DCAF10: variants seen among roughly 807,000 people sequenced by gnomAD.
DCAF10 encodes DDB1- and CUL4-associated factor 10.
In DCAF10, 19 loss-of-function variants were observed where a neutral mutation model predicts 51.9. The observed-to-expected ratio is 0.37, with a 90% confidence interval of 0.26 to 0.54. The LOEUF is 0.54. Ranked by LOEUF, DCAF10 falls within the 20% of genes least tolerant of loss-of-function variation. DCAF10 has a pLI of 0.87. For missense variants in DCAF10, 510 were observed against 730.6 expected (o/e 0.70, Z 3.48); for synonymous variants, 291 against 297.1 (o/e 0.98, Z 0.21).
At chr9:37,841,094 T>C (rs1433847936) in intron 2 of DCAF10, among the ~76,000 whole-genome samples, 2 of 152,190 alleles carry the variant, frequency 1.3e-5, no homozygotes, top group African/African-American at 4.8e-5. Flanking sequence ...TCAGAATGTA[T>C]TCCATCATTA....
chr9:37,822,066 G>A (rs1237584854), intron 2 of DCAF10, among the ~76,000 whole-genome samples: 2 of 152,056 alleles, frequency 1.3e-5, no homozygotes, highest in East Asian at 1.9e-4. Context: ...ACCATAATGC[G>A]ATACCGCCTT....
rs543703366 is a variant in DCAF10 at position 37,865,350 on chromosome 9, A to G, written c.*3842A>G. On this transcript the variant is annotated 3_prime_UTR_variant, in exon 7 of 7. Coordinates refer to ENST00000377724, the MANE Select transcript of DCAF10 (RefSeq NM_024345.5). ...CCTTTGTCCTCCTTGAGATATGGTGATGATCAAAAAGTTAGCAAGGAATAT... is the reference window on the plus strand; with the variant it reads ...CCTTTGTCCTCCTTGAGATATGGTGGTGATCAAAAAGTTAGCAAGGAATAT... 2 of 152,328 alleles carry G rather than the reference A, an allele frequency of 1.3e-5. No individual in the cohort carries two copies. Among genetic ancestry groups the G allele is most frequent in the South Asian group, 4.1e-4 (2 of 4,826 alleles). The allele number at this position is 152,328 out of a possible 1,614,324, so 9.4% of individuals were successfully genotyped here.
chr9:37,857,487 C>T, intron 5 of DCAF10, 136 bp downstream of exon 5: 1 of 564,280 alleles, frequency 1.8e-6, no homozygotes, highest in Non-Finnish European at 2.9e-6. Context: ...ATTTATCCCT[C>T]AGTCATCATC....
chr9:37,858,030 T>C (rs1166587964), intron 5 of DCAF10, among the ~76,000 whole-genome samples: 2 of 150,456 alleles, frequency 1.3e-5, no homozygotes, highest in African/African-American at 5.0e-5. Context: ...GAGCCAGAGA[T>C]GGCTTGCTTT....
At chr9:37,805,196 G>C (rs35636110) in intron 1 of DCAF10, among the ~76,000 whole-genome samples, 1 of 152,098 alleles carries the variant, frequency 6.6e-6, no homozygotes, top group Non-Finnish European at 1.5e-5. Context: ...AAATTATGAA[G>C]TGAGGCCGGG....
rs1289849472 is a variant in DCAF10 at position 37,801,129 on chromosome 9, C to T, written c.263C>T (p.Pro88Leu). ...ESSTASAPGE[P>L]SPPSPPCRRP... is the part of the protein sequence containing the mutation. ...TCAACTGCCTCCGCCCCGGGAGAGC[C>T]GTCACCTCCCTCCCCTCCGTGCCGG... Residue 88 changes from proline (P) to leucine (L), a missense_variant, in exon 1 of 7, where the codon CCG becomes CTG. Physicochemically the swap from Pro to Leu is moderately conservative, Grantham distance 98. Transcript: ENST00000377724. The surrounding 1 kb of genome is among the most constrained non-coding windows in gnomAD (Gnocchi z 5.5). The T allele has an allele frequency of 1.3e-6, 2 of 1,537,074 alleles. No homozygotes were observed. The highest frequency in any genetic ancestry group is 1.7e-6 in the Non-Finnish European group (2 of 1,144,688).
intron 3 of DCAF10, among the ~76,000 whole-genome samples, chr9:37,849,444 T>G (rs1250457305): frequency 6.6e-6 from 1 of 152,172 alleles, no homozygotes; most frequent in African/African-American, 2.4e-5. Flanking sequence ...TTATACAAAC[T>G]TTCTTTATAG....
chr9:37,815,773 T>C (rs1829507706), intron 1 of DCAF10, among the ~76,000 whole-genome samples: 1 of 152,224 alleles, frequency 6.6e-6, no homozygotes, highest in African/African-American at 2.4e-5. Flanking sequence ...ATCAGTTACA[T>C]TTCTGTATAC....
At chr9:37,844,439 T>C (rs1830419904) in intron 3 of DCAF10, among the ~76,000 whole-genome samples, 1 of 152,108 alleles carries the variant, frequency 6.6e-6, no homozygotes, top group South Asian at 2.1e-4. Context: ...TCACCTGAGG[T>C]CAGGAGTTTG....
At chr9:37,831,039 A>G (rs1393503106) in intron 2 of DCAF10, among the ~76,000 whole-genome samples, 1 of 152,200 alleles carries the variant, frequency 6.6e-6, no homozygotes, top group Non-Finnish European at 1.5e-5. Flanking sequence ...CCTGGCTAAC[A>G]TGGTGAAACC....
At chr9:37,800,699 G>A (rs1228608805), upstream of DCAF10, 4 of 1,535,818 alleles carry the variant, frequency 2.6e-6, no homozygotes, top group South Asian at 1.2e-5. Context: ...CCCCAAACCC[G>A]GCGGTGTCTC....
At position 37,801,483 on chromosome 9, in the gene DCAF10, T is replaced by TCC. The variant is rs1828942387; in HGVS notation, c.539+81_539+82dup. Reference sequence around the variant, plus strand: ...CAGCGGACGGCCGTCCTGGGCTCGCTCCCCGCGCCCGGGCCGAGGTTAGCG... The same window carrying TCC: ...CAGCGGACGGCCGTCCTGGGCTCGCTCCCCCCGCGCCCGGGCCGAGGTTAGCG... On this transcript the variant is annotated intron_variant, in intron 1 of 6. Coordinates refer to ENST00000377724, the MANE Select transcript of DCAF10 (RefSeq NM_024345.5). The surrounding 1 kb of genome is among the most constrained non-coding windows in gnomAD (Gnocchi z 5.5). 1.1e-5 allele frequency: 15 copies of TCC among 1,332,162 alleles called. 1 individual carries two copies. The South Asian group carries it at 2.3e-4, about 20-fold the overall frequency. The allele number at this position is 1,332,162 out of a possible 1,614,324, so 82.5% of individuals were successfully genotyped here.
At chr9:37,846,614 C>T (rs974457992) in intron 3 of DCAF10, among the ~76,000 whole-genome samples, 6 of 151,864 alleles carry the variant, frequency 4.0e-5, no homozygotes. Context: ...CCACCACCAC[C>T]CCTGGCTAAT....
intron 6 of DCAF10, 105 bp downstream of exon 6, chr9:37,860,298 G>A (rs1830976896): frequency 7.0e-7 from 1 of 1,432,788 alleles, no homozygotes; most frequent in Non-Finnish European, 9.5e-7. Flanking sequence ...CTGCCTTCAA[G>A]GGCATACTGC....
In DCAF10 at chr9:37,816,659, G is replaced by GGGGGGGGTGTGTGTGTGTGTGTGT. The variant is rs372664140; in HGVS notation, c.540-2628_540-2627insGGGGGGTGTGTGTGTGTGTGTGTG. Among the ~76,000 whole-genome samples, 162 of 144,962 alleles carry GGGGGGGGTGTGTGTGTGTGTGTGT rather than the reference G, an allele frequency of 1.1e-3. 2 individuals are homozygous for GGGGGGGGTGTGTGTGTGTGTGTGT. Among genetic ancestry groups the GGGGGGGGTGTGTGTGTGTGTGTGT allele is most frequent in the Admixed American group, 7.1e-3 (102 of 14,318 alleles). On this transcript the variant is annotated intron_variant, in intron 1 of 6. Transcript: ENST00000377724. ...AATCTCAATTAACATCTGCACCTGG[G>GGGGGGGGTGTGTGTGTGTGTGTGT]GTGTGTGTGTGTGTGTGTGTGTGTG...
At position 37,866,984 on chromosome 9, in the gene DCAF10, C is replaced by G. The variant is rs557120744; in HGVS notation, c.*5476C>G. 1.3e-5 allele frequency: 2 copies of G among 152,074 alleles called. No individual in the cohort carries two copies. Among genetic ancestry groups the G allele is most frequent in the Admixed American group, 1.3e-4 (2 of 15,256 alleles). 9.4% of individuals were successfully genotyped at this position (152,074 alleles called of 1,614,324 possible). On this transcript the variant is annotated 3_prime_UTR_variant, in exon 7 of 7. Transcript: ENST00000377724. The stretch of plus-strand genomic sequence containing the variant: ...ATTAAAACATAGGCTTAAATTATCA[C>G]GTATTGTTACAAAGACACAGTTTTG...
intron 1 of DCAF10, among the ~76,000 whole-genome samples, chr9:37,811,921 G>A (rs372848514): frequency 2.0e-5 from 3 of 152,184 alleles, no homozygotes; most frequent in Admixed American, 6.5e-5. Flanking sequence ...GCATGGTGGC[G>A]CACCCCTGTA....
At chr9:37,846,548 C>T (rs1399190785) in intron 3 of DCAF10, among the ~76,000 whole-genome samples, 2 of 151,938 alleles carry the variant, frequency 1.3e-5, no homozygotes, top group Non-Finnish European at 2.9e-5. Context: ...CCTCTGCTTC[C>T]CAGGTTCAAG....
chr9:37,829,051 G>A lies in DCAF10; in HGVS notation c.653+9650G>A, dbSNP rs962676770. 9.2e-5 allele frequency among the ~76,000 whole-genome samples: 14 copies of A among 152,170 alleles called. No homozygotes were observed. The highest frequency in any genetic ancestry group is 1.6e-4 in the Non-Finnish European group (11 of 68,030). On this transcript the variant is annotated intron_variant, in intron 2 of 6. Coordinates refer to ENST00000377724, the MANE Select transcript of DCAF10 (RefSeq NM_024345.5). The surrounding 1 kb of genome is among the most constrained non-coding windows in gnomAD (Gnocchi z 4.2). ...GCATCATAATAATGTGAGAAGATAG[G>A]CTATAGTTGGTGGGAGAAGGTATTT... is the stretch of plus-strand genomic sequence containing the variant.
Sources: allele counts gnomAD v4.1 joint callset (sites outside exome capture counted in the v4.1 genomes callset), GRCh38; gene constraint gnomAD v4.1.1; non-coding constraint Gnocchi (gnomAD v3.1); transcripts MANE v1.5; gene names NCBI Gene and HGNC (gene_info 2026-07-23, HGNC 2026-07-21).